THSD7B: variants seen among roughly 807,000 people sequenced by gnomAD.
THSD7B encodes thrombospondin type 1 domain containing 7B, also known as thrombospondin type-1 domain-containing protein 7B.
In THSD7B, 138 loss-of-function variants were observed where a neutral mutation model predicts 213.6. The ratio of observed to expected loss-of-function variants is 0.65; its 90% confidence interval spans 0.56 to 0.74. The LOEUF is 0.74. THSD7B is among the 30% of genes least tolerant of loss of function. THSD7B has a pLI of 0.00. For synonymous variants in THSD7B, 742 were observed against 687.0 expected, an observed-to-expected ratio of 1.08 and a Z score of -1.25; for missense variants, 1,931 against 1,991.5, an observed-to-expected ratio of 0.97 and a Z score of 0.58.
chr2:136,960,464 C>T (rs1020163748), intron 2 of THSD7B, among the ~76,000 whole-genome samples: 2 of 152,084 alleles, frequency 1.3e-5, no homozygotes, highest in Non-Finnish European at 2.9e-5. Context: ...CGTCTCTTCC[C>T]CATGTAAAGT....
chr2:137,396,819 T>A (rs1459633159), intron 12 of THSD7B, among the ~76,000 whole-genome samples: 12 of 151,854 alleles, frequency 7.9e-5, no homozygotes, highest in South Asian at 2.1e-4. Flanking sequence ...GTAGGTCAGT[T>A]AGGACTTGCT....
chr2:136,835,567 A>G (rs961400311), intron 1 of THSD7B, among the ~76,000 whole-genome samples: 2 of 152,040 alleles, frequency 1.3e-5, no homozygotes, highest in Admixed American at 1.3e-4. Context: ...CAGCAAGCTG[A>G]CTTTTATACC....
chr2:137,529,180 T>A (rs1418062042), intron 15 of THSD7B, among the ~76,000 whole-genome samples: 2 of 152,032 alleles, frequency 1.3e-5, no homozygotes, highest in African/African-American at 4.8e-5. Context: ...GTTAACTGCC[T>A]CTCCTCTCCC....
intron 2 of THSD7B, among the ~76,000 whole-genome samples, chr2:136,926,558 G>A (rs558590566): frequency 6.6e-6 from 1 of 152,104 alleles, no homozygotes; most frequent in South Asian, 2.1e-4. Context: ...TCCAGCCATG[G>A]TGGTGCTTGC....
At chr2:137,662,404 A>C (rs1022066045) in intron 25 of THSD7B, among the ~76,000 whole-genome samples, 3 of 151,560 alleles carry the variant, frequency 2.0e-5, no homozygotes, top group Non-Finnish European at 4.4e-5. Context: ...ATCTTTTGGG[A>C]GACTGCCTTT....
chr2:137,255,693 T>C (rs1488767925), intron 10 of THSD7B, among the ~76,000 whole-genome samples: 1 of 152,172 alleles, frequency 6.6e-6, no homozygotes, highest in Non-Finnish European at 1.5e-5. Flanking sequence ...TCTAGCCTTT[T>C]GCCTGGGTGC....
chr2:136,767,137 C>A (rs534244322), intron 1 of THSD7B, among the ~76,000 whole-genome samples: 1 of 152,222 alleles, frequency 6.6e-6, no homozygotes, highest in East Asian at 1.9e-4. Flanking sequence ...GAGGTAATCT[C>A]CAGGGAAGCC....
chr2:137,159,546 C>G (rs868277019), intron 5 of THSD7B, among the ~76,000 whole-genome samples: 1 of 152,038 alleles, frequency 6.6e-6, no homozygotes, highest in Non-Finnish European at 1.5e-5. Context: ...ATGGTTGCTG[C>G]GACCTGAAGT....
intron 1 of THSD7B, among the ~76,000 whole-genome samples, chr2:136,823,471 C>T (rs1044247356): frequency 6.6e-6 from 1 of 152,132 alleles, no homozygotes; most frequent in Admixed American, 6.6e-5. Context: ...AACCTTTTCT[C>T]CCCGTGTCTC....
intron 2 of THSD7B, among the ~76,000 whole-genome samples, chr2:137,042,536 T>C (rs896175059): frequency 1.3e-5 from 2 of 152,186 alleles, no homozygotes; most frequent in Non-Finnish European, 2.9e-5. Flanking sequence ...AACTTTTAGT[T>C]TTGTTTAACC....
At chr2:137,187,641 A>G (rs1274657507) in intron 7 of THSD7B, among the ~76,000 whole-genome samples, 3 of 152,198 alleles carry the variant, frequency 2.0e-5, no homozygotes, top group African/African-American at 7.2e-5. Context: ...TGCCAGAGTA[A>G]CTACCACTAC....
intron 2 of THSD7B, among the ~76,000 whole-genome samples, chr2:136,933,051 A>G (rs1016962260): frequency 3.3e-5 from 5 of 151,628 alleles, no homozygotes; most frequent in Admixed American, 2.6e-4. Context: ...ATGTCTTAAT[A>G]TCAGACTTGA....
chr2:136,846,068 G>T (rs982377949), intron 1 of THSD7B, among the ~76,000 whole-genome samples: 2 of 152,112 alleles, frequency 1.3e-5, no homozygotes, highest in African/African-American at 4.8e-5. Flanking sequence ...TTCCCAAGAC[G>T]AGCAAGGGAT....
chr2:137,507,525 A>G (rs1246451798), intron 15 of THSD7B, among the ~76,000 whole-genome samples: 2 of 152,188 alleles, frequency 1.3e-5, no homozygotes, highest in African/African-American at 2.4e-5. Context: ...GCATGAAGTC[A>G]TAAATCCCCG....
chr2:137,556,618 G>C (rs772704537), intron 15 of THSD7B, among the ~76,000 whole-genome samples: 1 of 152,280 alleles, frequency 6.6e-6, no homozygotes, highest in East Asian at 1.9e-4. Context: ...TCGATGCTAG[G>C]AAGAAACTGC....
At chr2:137,266,904 C>A (rs1682603967) in intron 10 of THSD7B, among the ~76,000 whole-genome samples, 1 of 152,190 alleles carries the variant, frequency 6.6e-6, no homozygotes, top group Admixed American at 6.5e-5. Flanking sequence ...TTTATTGTAG[C>A]TCATTAATCG....
At chr2:137,654,850 A>T (rs987400146) in intron 21 of THSD7B, among the ~76,000 whole-genome samples, 2 of 151,914 alleles carry the variant, frequency 1.3e-5, no homozygotes, top group Non-Finnish European at 2.9e-5. Context: ...ATAGTAGGAA[A>T]CCCTTTATCA....
intron 3 of THSD7B, among the ~76,000 whole-genome samples, chr2:137,058,319 T>G (rs1687206172): frequency 6.6e-6 from 1 of 152,212 alleles, no homozygotes; most frequent in African/African-American, 2.4e-5. Flanking sequence ...AAGCAAAAGA[T>G]TCATGCAATT....
chr2:137,083,796 G>A (rs548461107), intron 3 of THSD7B, among the ~76,000 whole-genome samples: 1 of 152,156 alleles, frequency 6.6e-6, no homozygotes, highest in South Asian at 2.1e-4. Context: ...CTGTTCCCTT[G>A]TAATTATGCT....
Sources: gnomAD v4.1 joint callset for allele counts (sites outside exome capture counted in the v4.1 genomes callset) on GRCh38, gnomAD v4.1.1 for gene constraint, MANE v1.5 for transcripts, NCBI Gene and HGNC (gene_info 2026-07-23, HGNC 2026-07-21) for gene names.